RND3: variants seen among roughly 807,000 people sequenced by gnomAD.
RND3 encodes rho-related GTP-binding protein RhoE.
Under a neutral mutation model 26.5 loss-of-function variants are expected in RND3, and 8 were observed. The observed-to-expected ratio is 0.30, with a 90% confidence interval of 0.18 to 0.54. The LOEUF is 0.54. Ranked by LOEUF, RND3 falls within the 20% of genes least tolerant of loss-of-function variation. The pLI is 0.94. For synonymous variants in RND3, 113 were observed against 113.0 expected, an observed-to-expected ratio of 1.00 and a Z score of 0.00; for missense variants, 207 against 302.8, an observed-to-expected ratio of 0.68 and a Z score of 2.35.
Position 150,469,754 on chromosome 2 carries a change from TGGCA to T in RND3, c.*229_*232del. The stretch of plus-strand genomic sequence containing the variant: ...TAGCTCATTTGTATCTCTCATTTTT[TGGCA>T]TATTTTTCAAGTCACACTTAAAAAC... On this transcript the variant is annotated 3_prime_UTR_variant, in exon 6 of 6. Transcript: ENST00000263895. 1.4e-5 allele frequency: 7 copies of T among 511,868 alleles called. No homozygotes were observed. Among genetic ancestry groups the T allele is most frequent in the Non-Finnish European group, 2.1e-5 (6 of 291,098 alleles). The allele number at this position is 511,868 out of a possible 1,614,324, so 31.7% of individuals were successfully genotyped here.
At position 150,470,058 on chromosome 2, in the gene RND3, T is replaced by G. The variant is rs1410266235; in HGVS notation, c.664A>C (p.Ser222Arg). ...RATKRISHMP[S>R]RPELSAVATD... ...GCAACTGCCGAGAGTTCTGGTCTGC[T>G]AGGCATGTGTGAAATCCGCTTTGTG... Residue 222 changes from serine to arginine, a missense_variant, in exon 6 of 6, where the codon AGC becomes CGC. Coordinates refer to ENST00000263895, the MANE Select transcript of RND3 (RefSeq NM_005168.5). 6.2e-7 allele frequency: 1 copy of G among 1,614,024 alleles called. No homozygotes were observed. The highest frequency in any genetic ancestry group is 1.3e-5 in the African/African-American group (1 of 74,940).
At chr2:150,473,770 T>C (rs957022651) in intron 4 of RND3, among the ~76,000 whole-genome samples, 1 of 152,134 alleles carries the variant, frequency 6.6e-6, no homozygotes, top group African/African-American at 2.4e-5. Flanking sequence ...TCAAATATAA[T>C]AGGGGAATGT....
intron 4 of RND3, among the ~76,000 whole-genome samples, chr2:150,472,492 C>T (rs1457346351): frequency 1.3e-5 from 2 of 152,154 alleles, no homozygotes; most frequent in Admixed American, 6.5e-5. Flanking sequence ...TTATTAGAAC[C>T]TTCAGCAATG....
Position 150,486,805 on chromosome 2 carries a change from G to T in RND3, c.151-24C>A. On this transcript the variant is annotated intron_variant, in intron 2 of 5. Transcript: ENST00000263895. This position sits in a 1 kb window ranked among gnomAD's most constrained non-coding sequence, Gnocchi z 4.5. ...TTCTGGATAGACAAAATGGGCAAAAGAGGAAGGAAAGAGGGCAAAGAGGTT... is the reference window on the plus strand; with the variant it reads ...TTCTGGATAGACAAAATGGGCAAAATAGGAAGGAAAGAGGGCAAAGAGGTT... 1 of 1,553,558 alleles carries T rather than the reference G, an allele frequency of 6.4e-7. No homozygotes were observed. The highest frequency in any genetic ancestry group is 8.9e-7 in the Non-Finnish European group (1 of 1,124,662).
intron 3 of RND3, among the ~76,000 whole-genome samples, chr2:150,481,687 T>A (rs1488454309): frequency 6.6e-6 from 1 of 152,096 alleles, no homozygotes. Flanking sequence ...ATCATTTTTA[T>A]GTCTTGTCTA....
chr2:150,484,652 A>G (rs561358210), intron 3 of RND3, among the ~76,000 whole-genome samples: 3 of 152,288 alleles, frequency 2.0e-5, no homozygotes, highest in African/African-American at 7.2e-5. Context: ...TGGGAAACAA[A>G]AAGACCTGCC....
chr2:150,475,227 T>C, intron 3 of RND3: 1 of 369,032 alleles, frequency 2.7e-6, no homozygotes, highest in African/African-American at 2.1e-5. Flanking sequence ...AAGTGAAATC[T>C]GTATGGTTCA....
In RND3 at chr2:150,474,270, T is replaced by C. The variant is rs563338050; in HGVS notation, c.348+605A>G. 2.6e-5 allele frequency among the ~76,000 whole-genome samples: 4 copies of C among 152,288 alleles called. No individual in the cohort carries two copies. The East Asian group carries it at 7.7e-4, about 29-fold the overall frequency. The stretch of plus-strand genomic sequence containing the variant: ...AGGTTCCTACGGAACCTGACTTACC[T>C]TTGCCTCCATAAACTATGTGTACAT... On this transcript the variant is annotated intron_variant, in intron 4 of 5. Transcript: ENST00000263895.
chr2:150,486,357 C>A lies in RND3; in HGVS notation c.238+337G>T, dbSNP rs1686362163. Among the ~76,000 whole-genome samples, 1 of 152,150 alleles carries A rather than the reference C, an allele frequency of 6.6e-6. No individual in the cohort carries two copies. Among genetic ancestry groups the A allele is most frequent in the African/African-American group, 2.4e-5 (1 of 41,452 alleles). ...GGTGGTTCCGCCGAGGCGCACGCAGCGCCCATGCAACACCCCACAGTATCG... is the reference window on the plus strand; with the variant it reads ...GGTGGTTCCGCCGAGGCGCACGCAGAGCCCATGCAACACCCCACAGTATCG... On this transcript the variant is annotated intron_variant, in intron 3 of 5. Coordinates refer to ENST00000263895, the MANE Select transcript of RND3 (RefSeq NM_005168.5). The surrounding 1 kb of genome is among the most constrained non-coding windows in gnomAD (Gnocchi z 4.5).
intron 5 of RND3, among the ~76,000 whole-genome samples, chr2:150,471,144 T>G (rs1209680166): frequency 6.6e-6 from 1 of 152,122 alleles, no homozygotes; most frequent in Non-Finnish European, 1.5e-5. Flanking sequence ...TTAATAAAAT[T>G]TTGGTATTTC....
chr2:150,483,342 C>A (rs565505908), intron 3 of RND3, among the ~76,000 whole-genome samples: 2 of 152,262 alleles, frequency 1.3e-5, no homozygotes, highest in South Asian at 4.1e-4. Flanking sequence ...ATTCAAAGGA[C>A]AATGTTCATC....
chr2:150,476,103 A>G (rs536337580), intron 3 of RND3, among the ~76,000 whole-genome samples: 37 of 152,328 alleles, frequency 2.4e-4, no homozygotes, highest in Non-Finnish European at 4.0e-4. Context: ...GCAAATATAT[A>G]CACACGTATG....
At chr2:150,475,313 T>C (rs946534111) in intron 3 of RND3, among the ~76,000 whole-genome samples, 1 of 152,138 alleles carries the variant, frequency 6.6e-6, no homozygotes, top group African/African-American at 2.4e-5. Context: ...TAAACCTGCC[T>C]CCACCACTAA....
chr2:150,479,987 T>C (rs2105220880), intron 3 of RND3, among the ~76,000 whole-genome samples: 1 of 152,322 alleles, frequency 6.6e-6, no homozygotes, highest in South Asian at 2.1e-4. Flanking sequence ...GCAATGTAGA[T>C]ACAAAATTAG....
In RND3 at chr2:150,487,334, C is replaced by A. The variant is rs1281260154; in HGVS notation, c.84G>T (p.Val28=). ...PNQNVKCKIV[V]VGDSQCGKTA... ...TTTTTCCACACTGACTGTCTCCCACCACAACTATCTTGCATTTCACGTTCT... is the reference window on the plus strand; with the variant it reads ...TTTTTCCACACTGACTGTCTCCCACAACAACTATCTTGCATTTCACGTTCT... The change falls in exon 2 of 6, where the codon GTG becomes GTT. Residue 28 remains valine (V), a synonymous_variant. Transcript: ENST00000263895. 1 of 1,606,220 alleles carries A rather than the reference C, an allele frequency of 6.2e-7. No individual in the cohort carries two copies. Among genetic ancestry groups the A allele is most frequent in the African/African-American group, 1.3e-5 (1 of 74,266 alleles).
Position 150,468,856 on chromosome 2 carries a change from T to C in RND3, c.*1131A>G, listed in dbSNP as rs1173163478. On this transcript the variant is annotated 3_prime_UTR_variant, in exon 6 of 6. Coordinates refer to ENST00000263895, the MANE Select transcript of RND3 (RefSeq NM_005168.5). The stretch of plus-strand genomic sequence containing the variant: ...ATGTCAGGACTGAAAGTTTATCATA[T>C]AATCTTCCACTAGGGATTCTCTAAA... The C allele has an allele frequency of 1.3e-5, 2 of 152,668 alleles. No individual in the cohort carries two copies. Among genetic ancestry groups the C allele is most frequent in the South Asian group, 2.1e-4 (1 of 4,830 alleles). 9.5% of individuals were successfully genotyped at this position (152,668 alleles called of 1,614,324 possible). A position where few individuals can be genotyped will look rare whatever the true frequency, so the allele number is the denominator to read the frequency against.
At chr2:150,476,265 G>T (rs2105218569) in intron 3 of RND3, among the ~76,000 whole-genome samples, 1 of 152,326 alleles carries the variant, frequency 6.6e-6, no homozygotes, top group East Asian at 1.9e-4. Flanking sequence ...GTCAGGAAGA[G>T]AGACTTAAAA....
In RND3 at chr2:150,471,682, A is replaced by G; in HGVS notation, c.428T>C (p.Val143Ala). 6.2e-7 allele frequency: 1 copy of G among 1,613,588 alleles called. No homozygotes were observed. The highest frequency in any genetic ancestry group is 8.5e-7 in the Non-Finnish European group (1 of 1,179,626). ...ATTGGAGAGCTCTACTAATGTACTA[A>G]CATCTGTCCGCAGATCAGACTTGCA... ...VGCKSDLRTD[V>A]STLVELSNHR... The change falls in exon 5 of 6, where the codon GTT (valine) becomes GCT (alanine). Residue 143 changes from valine (V) to alanine (A), a missense_variant. Physicochemically the swap from Val to Ala is moderately conservative, Grantham distance 64. Transcript: ENST00000263895.
chr2:150,479,712 T>C (rs1294884532), intron 3 of RND3, among the ~76,000 whole-genome samples: 7 of 152,142 alleles, frequency 4.6e-5, no homozygotes, highest in Non-Finnish European at 1.5e-5. Context: ...GAGGAAAAGG[T>C]TTAAATTAGC....
Sources: gnomAD v4.1 joint callset for allele counts (sites outside exome capture counted in the v4.1 genomes callset) on GRCh38, gnomAD v4.1.1 for gene constraint, Gnocchi (gnomAD v3.1) non-coding constraint, MANE v1.5 for transcripts, NCBI Gene and HGNC (gene_info 2026-07-23, HGNC 2026-07-21) for gene names.